SLC7A2: variants seen among roughly 807,000 people sequenced by gnomAD.
The protein encoded by SLC7A2 is solute carrier family 7 member 2, also known as cationic amino acid transporter 2.
Under a neutral mutation model 58.9 loss-of-function variants are expected in SLC7A2, and 48 were observed. The observed-to-expected ratio is 0.82, with a 90% CI of 0.65 to 1.04. The LOEUF (loss-of-function observed/expected upper bound fraction) is 1.04, where lower values mean the gene tolerates loss of function less well. Ranked by LOEUF, SLC7A2 falls within the 50% of genes least tolerant of loss-of-function variation. The pLI is 0.00. For missense variants in SLC7A2, 1,029 were observed against 818.8 expected (o/e 1.26, Z -3.13); for synonymous variants, 363 against 314.5 (o/e 1.15, Z -1.63).
chr8:17,506,979 T>C (rs1197679595), intron 2 of SLC7A2, among the ~76,000 whole-genome samples: 1 of 148,746 alleles, frequency 6.7e-6, no homozygotes, highest in Non-Finnish European at 1.5e-5. Flanking sequence ...AGACTCTCAC[T>C]CTGTTGCCAG....
chr8:17,514,502 A>C (rs1422691958), intron 2 of SLC7A2, among the ~76,000 whole-genome samples: 1 of 152,206 alleles, frequency 6.6e-6, no homozygotes, highest in Non-Finnish European at 1.5e-5. Flanking sequence ...GGGGAAATGC[A>C]CAGCAGCCGT....
intron 2 of SLC7A2, among the ~76,000 whole-genome samples, chr8:17,537,180 C>T (rs143626291): frequency 0.028 from 4,237 of 152,268 alleles, 72 homozygotes; most frequent in South Asian, 0.047. Context: ...CCTTAGCCTC[C>T]CGAGTAGCTG....
rs568570497 is a variant in SLC7A2 at position 17,528,926 on chromosome 8, C to T, written c.-22-14392C>T. 3.3e-5 allele frequency among the ~76,000 whole-genome samples: 5 copies of T among 152,060 alleles called. No individual in the cohort carries two copies. The South Asian group carries it at 1.0e-3, about 32-fold the overall frequency. ...CCTTGAAACTCGGGGCTCTCGGGGC[C>T]CATACAACATGGCCGCCTGTCGGGG... On this transcript the variant is annotated intron_variant, in intron 2 of 12. Transcript: ENST00000494857.
intron 2 of SLC7A2, among the ~76,000 whole-genome samples, chr8:17,522,275 A>G (rs906611531): frequency 1.7e-4 from 26 of 152,116 alleles, no homozygotes; most frequent in African/African-American, 6.3e-4. Flanking sequence ...GAGACTTATT[A>G]ACTACCATGA....
intron 2 of SLC7A2, among the ~76,000 whole-genome samples, chr8:17,528,509 C>T (rs1349664134): frequency 6.6e-6 from 1 of 152,050 alleles, no homozygotes; most frequent in East Asian, 1.9e-4. Flanking sequence ...TTGAGCCTCC[C>T]CACAGGGAGC....
chr8:17,535,141 G>A (rs1272758234), intron 2 of SLC7A2, among the ~76,000 whole-genome samples: 1 of 152,170 alleles, frequency 6.6e-6, no homozygotes, highest in Non-Finnish European at 1.5e-5. Flanking sequence ...CCAGGGTCAA[G>A]TTCAAGCTCC....
upstream of SLC7A2, among the ~76,000 whole-genome samples, chr8:17,495,752 G>T (rs147160397): frequency 9.5e-3 from 1,448 of 152,292 alleles, 62 homozygotes; most frequent in East Asian, 0.099. Context: ...GTTTCACCCT[G>T]TTGGCCAGAC....
chr8:17,552,353 A>G (rs1319313917), intron 7 of SLC7A2, among the ~76,000 whole-genome samples: 1 of 152,202 alleles, frequency 6.6e-6, no homozygotes. Flanking sequence ...GGCGTTGGTG[A>G]TACTTGTAGT....
At chr8:17,499,081 T>C (rs2150633052) in intron 1 of SLC7A2, 1 of 152,432 alleles carries the variant, frequency 6.6e-6, no homozygotes, top group Non-Finnish European at 1.5e-5. Context: ...GTCTACCTTC[T>C]GTTCTCTTTT....
chr8:17,549,842 G>A (rs1444213801), intron 5 of SLC7A2, among the ~76,000 whole-genome samples: 1 of 152,116 alleles, frequency 6.6e-6, no homozygotes. Flanking sequence ...TCAAGACTAG[G>A]AAGTTTTGTT....
At chr8:17,524,295 A>G (rs1801132341) in intron 2 of SLC7A2, among the ~76,000 whole-genome samples, 1 of 152,174 alleles carries the variant, frequency 6.6e-6, no homozygotes, top group Non-Finnish European at 1.5e-5. Context: ...TGAAAAAGAT[A>G]CTTGCACATG....
At chr8:17,502,149 G>T (rs1353297161) in intron 1 of SLC7A2, 108 bp from the exon 2 acceptor site, 1 of 151,280 alleles carries the variant, frequency 6.6e-6, no homozygotes, top group African/African-American at 2.4e-5. Flanking sequence ...TATATCTGTG[G>T]CTAAGGTGAG....
At chr8:17,564,913 C>T (rs1399685205) in intron 12 of SLC7A2, 37 bp from the exon 13 acceptor site, 5 of 1,492,272 alleles carry the variant, frequency 3.4e-6, no homozygotes, top group Non-Finnish European at 4.5e-6. Flanking sequence ...TTCTGACATA[C>T]CTGAAACATT....
At chr8:17,498,973 A>G (rs1800052466) in intron 1 of SLC7A2, 1 of 152,102 alleles carries the variant, frequency 6.6e-6, no homozygotes, top group Admixed American at 6.5e-5. Context: ...CCTTTTGAAC[A>G]CATGTGCCTG....
intron 12 of SLC7A2, among the ~76,000 whole-genome samples, chr8:17,564,684 A>T (rs750416369): frequency 6.6e-6 from 1 of 152,134 alleles, no homozygotes; most frequent in Non-Finnish European, 1.5e-5. Flanking sequence ...CTCTGACAGG[A>T]GGCAGAGCTC....
chr8:17,528,089 C>G (rs1339259363), intron 2 of SLC7A2, among the ~76,000 whole-genome samples: 2 of 152,070 alleles, frequency 1.3e-5, no homozygotes, highest in Admixed American at 6.5e-5. Flanking sequence ...CTGGGGCACT[C>G]AGATGCTTAG....
At chr8:17,556,121 A>T (rs934192587) in intron 8 of SLC7A2, among the ~76,000 whole-genome samples, 2 of 152,162 alleles carry the variant, frequency 1.3e-5, no homozygotes, top group Non-Finnish European at 2.9e-5. Flanking sequence ...TTAGAAGGTC[A>T]AGTCACTTAT....
rs1802605211 is a variant in SLC7A2 at position 17,554,659 on chromosome 8, G to A, written c.1155G>A (p.Lys385=). 1 of 1,613,244 alleles carries A rather than the reference G, an allele frequency of 6.2e-7. No individual in the cohort carries two copies. The highest frequency in any genetic ancestry group is 1.7e-5 in the Admixed American group (1 of 59,688). Residue 385 remains lysine, a synonymous_variant, in exon 8 of 13, where the codon AAG becomes AAA. Coordinates refer to ENST00000494857, the MANE Select transcript of SLC7A2 (RefSeq NM_001370338.1). ...KCLAQINSKT[K]TPIIATLSSG... ...TAGCTCAAATCAATTCCAAAACGAA[G>A]ACACCAATAATTGCTACTTTATCAT...
chr8:17,562,195 T>TTTTTTTG, intron 11 of SLC7A2, 85 bp downstream of exon 11: 1 of 123,594 alleles, frequency 8.1e-6, no homozygotes, highest in South Asian at 1.2e-4. Context: ...TTTTTTTTTT[T>TTTTTTTG]TTTTTTTTTT....
Sources: gnomAD v4.1 joint callset for allele counts (sites outside exome capture counted in the v4.1 genomes callset) on GRCh38, gnomAD v4.1.1 for gene constraint, MANE v1.5 for transcripts, NCBI Gene and HGNC (gene_info 2026-07-23, HGNC 2026-07-21) for gene names.